Variants in GLIS3 observed in about 807,000 individuals in gnomAD.
GLIS3 encodes the protein zinc finger protein GLIS3.
Under a neutral mutation model 78.6 loss-of-function variants are expected in GLIS3, and 53 were observed. The observed-to-expected ratio is 0.67, with a 90% CI of 0.54 to 0.85. The LOEUF is 0.85. GLIS3 is among the 40% of genes least tolerant of loss of function. The pLI, the probability that GLIS3 is intolerant of heterozygous loss-of-function variation, is 0.00. For synonymous variants in GLIS3, 684 were observed against 509.9 expected, an observed-to-expected ratio of 1.34 and a Z score of -4.60; for missense variants, 1,703 against 1,231.1, an observed-to-expected ratio of 1.38 and a Z score of -5.74.
chr9:4,253,248 G>C (rs1255941111), intron 2 of GLIS3, among the ~76,000 whole-genome samples: 7 of 152,362 alleles, frequency 4.6e-5, no homozygotes, highest in African/African-American at 1.7e-4. Context: ...GTCCCAGGGA[G>C]ATGGGAGTTT....
chr9:4,225,671 C>T (rs896257510), intron 2 of GLIS3, among the ~76,000 whole-genome samples: 1 of 152,176 alleles, frequency 6.6e-6, no homozygotes, highest in Non-Finnish European at 1.5e-5. Flanking sequence ...ACTTCAACCA[C>T]ATCTAAGGGA....
the GLIS3 span, among the ~76,000 whole-genome samples, chr9:4,358,720 G>A: frequency 1.3e-5 from 2 of 152,180 alleles, no homozygotes; most frequent in African/African-American, 2.4e-5. Flanking sequence ...ACGTGTGTAT[G>A]TGTGCACATA....
chr9:4,387,202 G>C, the GLIS3 span, among the ~76,000 whole-genome samples: 15 of 152,154 alleles, frequency 9.9e-5, no homozygotes, highest in South Asian at 4.1e-4. Context: ...GAATCTCTGT[G>C]CTTCCTTAAA....
the GLIS3 span, among the ~76,000 whole-genome samples, chr9:4,468,493 A>C: frequency 6.6e-6 from 1 of 152,192 alleles, no homozygotes; most frequent in South Asian, 2.1e-4. Context: ...ACATTCTTAA[A>C]GAAAAGAATT....
chr9:4,417,967 G>C, the GLIS3 span, among the ~76,000 whole-genome samples: 51 of 152,272 alleles, frequency 3.3e-4, no homozygotes, highest in African/African-American at 1.2e-3. Flanking sequence ...AACTCTTTTT[G>C]TGAGGAAACT....
the GLIS3 span, among the ~76,000 whole-genome samples, chr9:4,385,801 G>C: frequency 1.1e-4 from 7 of 66,018 alleles, no homozygotes; most frequent in Non-Finnish European, 1.5e-4. Flanking sequence ...AAGAAAGAAA[G>C]AAAGAAAGAA....
intron 2 of GLIS3, among the ~76,000 whole-genome samples, chr9:4,274,588 G>A (rs898951815): frequency 2.6e-5 from 4 of 152,168 alleles, no homozygotes. Context: ...CCTGGCAGGG[G>A]ATGGGACCAC....
chr9:4,049,351 T>C (rs984946342), intron 4 of GLIS3, among the ~76,000 whole-genome samples: 1 of 152,118 alleles, frequency 6.6e-6, no homozygotes, highest in Non-Finnish European at 1.5e-5. Context: ...CTCACCTCCC[T>C]ACAACGTGAT....
chr9:4,036,616 T>C (rs16920450), intron 4 of GLIS3, among the ~76,000 whole-genome samples: 12,340 of 152,194 alleles, frequency 0.081, 1,055 homozygotes, highest in East Asian at 0.4. Flanking sequence ...GAGGCTACTG[T>C]GAAGACCTGC....
At chr9:4,340,030 G>C (rs952735213) in intron 2 of GLIS3, among the ~76,000 whole-genome samples, 1 of 151,664 alleles carries the variant, frequency 6.6e-6, no homozygotes. Flanking sequence ...TTTAATACCA[G>C]CTGACAAGCG....
At chr9:4,395,823 G>C in the GLIS3 span, among the ~76,000 whole-genome samples, 3 of 149,394 alleles carry the variant, frequency 2.0e-5, no homozygotes, top group African/African-American at 7.4e-5. Flanking sequence ...CACCGGGCTG[G>C]AGTGCAATGG....
chr9:4,190,567 G>A (rs1818240326), intron 2 of GLIS3, among the ~76,000 whole-genome samples: 1 of 147,674 alleles, frequency 6.8e-6, no homozygotes, highest in Non-Finnish European at 1.5e-5. Flanking sequence ...TGGTGTACCT[G>A]AAAGTGACGG....
At chr9:3,869,282 TG>T (rs1820821938) in intron 8 of GLIS3, among the ~76,000 whole-genome samples, 2 of 151,924 alleles carry the variant, frequency 1.3e-5, no homozygotes, top group African/African-American at 4.8e-5. Context: ...TGTGTGTGTG[TG>T]TGTGTGTGTG....
chr9:4,349,911 G>A (rs1362020101), upstream of GLIS3, among the ~76,000 whole-genome samples: 1 of 152,224 alleles, frequency 6.6e-6, no homozygotes, highest in South Asian at 2.1e-4. Context: ...TGAATCTTCT[G>A]TGGGGCCTGT....
chr9:3,945,117 G>A (rs1323389975), intron 4 of GLIS3, among the ~76,000 whole-genome samples: 2 of 152,104 alleles, frequency 1.3e-5, no homozygotes, highest in African/African-American at 2.4e-5. Context: ...ACTGACACAT[G>A]GGGGGACCAA....
intron 4 of GLIS3, chr9:4,035,053 G>A (rs1272712446): frequency 6.6e-6 from 1 of 152,078 alleles, no homozygotes; most frequent in Non-Finnish European, 1.5e-5. Flanking sequence ...CTGCAGATGA[G>A]ACAATAAAGC....
chr9:4,093,735 C>A (rs751118495), intron 4 of GLIS3, among the ~76,000 whole-genome samples: 2 of 152,190 alleles, frequency 1.3e-5, no homozygotes, highest in Non-Finnish European at 2.9e-5. Flanking sequence ...ATCTGCAACT[C>A]TTCTAGATTG....
intron 8 of GLIS3, among the ~76,000 whole-genome samples, chr9:3,872,606 T>C (rs553789213): frequency 1.5e-3 from 228 of 152,322 alleles, no homozygotes; most frequent in Middle Eastern, 0.01. Context: ...ATGAGACTTA[T>C]GCACTACCAA....
the GLIS3 span, among the ~76,000 whole-genome samples, chr9:4,410,174 G>C: frequency 6.8e-6 from 1 of 146,458 alleles, no homozygotes; most frequent in African/African-American, 2.6e-5. Context: ...ACAGTGTTTT[G>C]CCATGTTGGC....
Sources: allele counts gnomAD v4.1 joint callset (sites outside exome capture counted in the v4.1 genomes callset), GRCh38; gene constraint gnomAD v4.1.1; transcripts MANE v1.5; gene names NCBI Gene and HGNC (gene_info 2026-07-23, HGNC 2026-07-21).